The following SLC2A6 variants were observed in gnomAD, a reference collection of about 807,000 sequenced individuals.
SLC2A6 encodes solute carrier family 2, facilitated glucose transporter member 6.
SLC2A6 carries 39 observed loss-of-function variants against 47.8 expected under a neutral mutation model. The observed-to-expected ratio is 0.82, with a 90% confidence interval of 0.63 to 1.07. SLC2A6 has a LOEUF of 1.07. Ranked by LOEUF, SLC2A6 falls within the 50% of genes least tolerant of loss-of-function variation. The pLI, the probability that SLC2A6 is intolerant of heterozygous loss-of-function variation, is 0.00. For missense variants in SLC2A6, 650 were observed against 707.6 expected (o/e 0.92, Z 0.92); for synonymous variants, 346 against 324.1 (o/e 1.07, Z -0.73).
chr9:133,476,552 C>T (rs1843961145), intron 3 of SLC2A6: 5 of 593,236 alleles, frequency 8.4e-6, no homozygotes, highest in African/African-American at 3.7e-5. Flanking sequence ...GGTGGAAGTA[C>T]GCAGCTCGGA....
Position 133,478,971 on chromosome 9 carries a change from A to T in SLC2A6, c.89T>A (p.Val30Asp). The T allele has an allele frequency of 1.3e-6, 2 of 1,578,516 alleles. No homozygotes were observed. The highest frequency in any genetic ancestry group is 1.7e-6 in the Non-Finnish European group (2 of 1,167,010). Residue 30 changes from valine to aspartate, a missense_variant, in exon 1 of 10, where the codon GTC (valine) becomes GAC (aspartate). Val to Asp is a radical substitution (Grantham distance 152, BLOSUM62 -3). Transcript: ENST00000371899. ...CCCCCAACCTAGCGACTCTCACCCGACCCGCGCCCTGTCCCCTGGCGACGG... is the reference window on the plus strand; with the variant it reads ...CCCCCAACCTAGCGACTCTCACCCGTCCCGCGCCCTGTCCCCTGGCGACGG... ...PPPSPGDRAR[V>D]GTLQNKRVFL...
In SLC2A6 at chr9:133,475,081, G is replaced by T. The variant is rs749289691; in HGVS notation, c.807C>A (p.Ala269=). 2 of 1,590,402 alleles carry T rather than the reference G, an allele frequency of 1.3e-6. No individual in the cohort carries two copies. Among genetic ancestry groups the T allele is most frequent in the African/African-American group, 1.3e-5 (1 of 74,466 alleles). Residue 269 remains alanine, a synonymous_variant, in exon 6 of 10, where the codon GCC becomes GCA. Coordinates refer to ENST00000371899, the MANE Select transcript of SLC2A6 (RefSeq NM_017585.4). ...SSRVSWAEAR[A]PHVCRPITVA... is the part of the protein sequence containing the mutation. ...CGGTGATGGGCCGGCACACGTGTGG[G>T]GCCCGTGCCTCAGCCCACGATACTC...
In SLC2A6 at chr9:133,476,233, T is replaced by G. The variant is rs782400225; in HGVS notation, c.562+4A>C. 10 of 1,609,918 alleles carry G rather than the reference T, an allele frequency of 6.2e-6. No individual in the cohort carries two copies. The South Asian group carries it at 8.8e-5, about 14-fold the overall frequency. ...TGCACACAGGAGTGCGGGGCCATACTTGCCAAGGGCGTAGAGGGACAGGGA... is the reference window on the plus strand; with the variant it reads ...TGCACACAGGAGTGCGGGGCCATACGTGCCAAGGGCGTAGAGGGACAGGGA... On this transcript the variant is annotated splice_donor_region_variant and intron_variant, in intron 4 of 9. Transcript: ENST00000371899.
intron 5 of SLC2A6, 44 bp downstream of exon 5, chr9:133,475,356 G>T: frequency 6.5e-7 from 1 of 1,532,536 alleles, no homozygotes. Context: ...CAGCTGAAGT[G>T]CTGGAGGTGG....
At position 133,473,966 on chromosome 9, in the gene SLC2A6, TGCAG is replaced by T. The variant is rs782111542; in HGVS notation, c.1036+10_1036+13del. The T allele has an allele frequency of 1.4e-4, 222 of 1,589,206 alleles. 1 individual carries two copies. The East Asian group carries it at 5.0e-3, about 36-fold the overall frequency. On this transcript the variant is annotated intron_variant, in intron 7 of 9. Transcript: ENST00000371899. Reference sequence around the variant, plus strand: ...GGAGGAGTGGGGCAGGAGGGCTGCCTGCAGGGTGCTTACCTGAGACGAAGAGCAG... The same window carrying T: ...GGAGGAGTGGGGCAGGAGGGCTGCCTGGTGCTTACCTGAGACGAAGAGCAG...
rs200302305 is a variant in SLC2A6 at position 133,478,306 on chromosome 9, C to T, written c.203G>A (p.Arg68His). ...CAGATGCAGGTCAGGATCCAAGGAG[C>T]GCTCCAGGGCTGGGATGACAGGGGA... Reference protein sequence around the residue: ...YTSPVIPALERSLDPDLHLTK... With the variant: ...YTSPVIPALEHSLDPDLHLTK... The change falls in exon 2 of 10, where the codon CGC (arginine) becomes CAC (histidine). Residue 68 changes from arginine (R) to histidine (H), a missense_variant. Transcript: ENST00000371899. The T allele has an allele frequency of 3.3e-5, 53 of 1,613,942 alleles. No homozygotes were observed. The highest frequency in any genetic ancestry group is 1.6e-4 in the Middle Eastern group (1 of 6,082).
chr9:133,472,192 G>A lies in SLC2A6; in HGVS notation c.1369-16C>T, dbSNP rs371071886. 33 of 1,611,044 alleles carry A rather than the reference G, an allele frequency of 2.0e-5. No individual in the cohort carries two copies. The Middle Eastern group carries it at 9.9e-4, about 48-fold the overall frequency. ...CGAAGGTGCTCTGCGGGTGAAGAGCGGGGCCGGGTCACAGGGAGAAGCTCC... is the reference window on the plus strand; with the variant it reads ...CGAAGGTGCTCTGCGGGTGAAGAGCAGGGCCGGGTCACAGGGAGAAGCTCC... On this transcript the variant is annotated splice_polypyrimidine_tract_variant and intron_variant, in intron 9 of 9. Coordinates refer to ENST00000371899, the MANE Select transcript of SLC2A6 (RefSeq NM_017585.4).
chr9:133,477,357 G>T, intron 2 of SLC2A6, 116 bp from the exon 3 acceptor site: 1 of 955,456 alleles, frequency 1.0e-6, no homozygotes, highest in Non-Finnish European at 1.6e-6. Flanking sequence ...CAAGCACTTG[G>T]CCAAGTCAAG....
chr9:133,472,163 A>G lies in SLC2A6; in HGVS notation c.1382T>C (p.Leu461Pro). 6.2e-6 allele frequency: 10 copies of G among 1,613,118 alleles called. No individual in the cohort carries two copies. Among genetic ancestry groups the G allele is most frequent in the Non-Finnish European group, 8.5e-6 (10 of 1,179,894 alleles). The stretch of plus-strand genomic sequence containing the variant: ...CGCGAAGAAGAAGAAAGGCACCTGG[A>G]GGCCGAAGGTGCTCTGCGGGTGAAG... ...SFLPVVSTFG[L>P]QVPFFFFAAI... Residue 461 changes from leucine to proline, a missense_variant, in exon 10 of 10, where the codon CTC becomes CCC. Transcript: ENST00000371899.
chr9:133,473,420 A>T lies in SLC2A6; in HGVS notation c.1217T>A (p.Ile406Asn). The T allele has an allele frequency of 6.3e-7, 1 of 1,599,818 alleles. No individual in the cohort carries two copies. The highest frequency in any genetic ancestry group is 2.2e-5 in the East Asian group (1 of 44,684). The change falls in exon 8 of 10, where the codon ATC (isoleucine) becomes AAC (asparagine). Residue 406 changes from isoleucine to asparagine, a missense_variant. Coordinates refer to ENST00000371899, the MANE Select transcript of SLC2A6 (RefSeq NM_017585.4). ...LVPLLATMLF[I>N]MGYAVGWGPI... ...TGAGCCACCACCACACCTACCCATG[A>T]TGAAGAGCATGGTGGCCAGCAGGGG...
chr9:133,476,056 G>A (rs1435564580), intron 4 of SLC2A6, 181 bp downstream of exon 4: 3 of 567,448 alleles, frequency 5.3e-6, no homozygotes, highest in Non-Finnish European at 9.3e-6. Flanking sequence ...TGGCTAGAGG[G>A]GCAGGCCCTG....
At chr9:133,475,372 C>A in intron 5 of SLC2A6, 28 bp downstream of exon 5, 2 of 1,558,110 alleles carry the variant, frequency 1.3e-6, no homozygotes, top group South Asian at 1.2e-5. Context: ...GGTGGGCCTG[C>A]CCGGTTCGGG....
At position 133,478,380 on chromosome 9, in the gene SLC2A6, G is replaced by A. The variant is rs372451832; in HGVS notation, c.129C>T (p.Phe43=). 3.8e-5 allele frequency: 62 copies of A among 1,614,172 alleles called. No homozygotes were observed. Among genetic ancestry groups the A allele is most frequent in the East Asian group, 6.7e-5 (3 of 44,890 alleles). ...LQNKRVFLAT[F]AAVLGNFSFG... is the part of the protein sequence containing the mutation. The stretch of plus-strand genomic sequence containing the variant: ...AGCTGAAATTGCCGAGCACTGCGGC[G>A]AAGGTGGCCAGGAACACCCTTTTGT... The change falls in exon 2 of 10, where the codon TTC becomes TTT. Residue 43 remains phenylalanine, a synonymous_variant. Transcript: ENST00000371899.
At chr9:133,476,378 T>G (rs1843953912) in intron 3 of SLC2A6, 42 bp from the exon 4 acceptor site, 1 of 1,568,258 alleles carries the variant, frequency 6.4e-7, no homozygotes, top group Non-Finnish European at 8.8e-7. Flanking sequence ...CTGAAAATAC[T>G]GGTTCCTAGG....
At chr9:133,473,724 C>T (rs1426760355) in intron 7 of SLC2A6, 124 bp from the exon 8 acceptor site, 16 of 1,033,812 alleles carry the variant, frequency 1.5e-5, no homozygotes, top group Non-Finnish European at 2.1e-5. Flanking sequence ...CTAGAGACCC[C>T]CAGCAGGGCA....
rs1554802146 is a variant in SLC2A6, at chr9:133,473,161, C to T, written c.1312G>A (p.Val438Met). The change falls in exon 9 of 10, where the codon GTG (valine) becomes ATG (methionine). Residue 438 changes from valine (V) to methionine (M), a missense_variant. Coordinates refer to ENST00000371899, the MANE Select transcript of SLC2A6 (RefSeq NM_017585.4). ...AAGGCGGTGAGCCAGCTGGCCAGCA[C>T]GCAGAGCCCTGAGGCCACGCCACGG... ...RARGVASGLC[V>M]LASWLTAFVL... 12 of 1,611,238 alleles carry T rather than the reference C, an allele frequency of 7.4e-6. No homozygotes were observed. Among genetic ancestry groups the T allele is most frequent in the East Asian group, 2.2e-5 (1 of 44,814 alleles).
chr9:133,475,506 G>A lies in SLC2A6; in HGVS notation c.668C>T (p.Ser223Phe). The A allele has an allele frequency of 6.2e-7, 1 of 1,611,610 alleles. No individual in the cohort carries two copies. The highest frequency in any genetic ancestry group is 8.5e-7 in the Non-Finnish European group (1 of 1,179,902). Residue 223 changes from serine (S) to phenylalanine (F), a missense_variant, in exon 5 of 10, where the codon TCT becomes TTT. Transcript: ENST00000371899. The stretch of plus-strand genomic sequence containing the variant: ...CAGGGCCTCTTCGTCCCTGCCCCGA[G>A]AGAGCAGGAAGCGCGGCGAGTTGGG... Reference protein sequence around the residue: ...FMPNSPRFLLSRGRDEEALRA... With the variant: ...FMPNSPRFLLFRGRDEEALRA...
At chr9:133,474,120 C>T (rs782445648) in intron 6 of SLC2A6, 32 bp from the exon 7 acceptor site, 2 of 1,520,418 alleles carry the variant, frequency 1.3e-6, no homozygotes, top group East Asian at 4.7e-5. Flanking sequence ...GGCTGAGGGA[C>T]CTGCCTGCTG....
rs912242906 is a variant in SLC2A6, at chr9:133,478,871, G to A, written c.92+97C>T. 1.5e-5 allele frequency: 17 copies of A among 1,123,650 alleles called. No homozygotes were observed. The African/African-American group carries it at 2.5e-4, about 16-fold the overall frequency. The allele number at this position is 1,123,650 out of a possible 1,614,324, so 69.6% of individuals were successfully genotyped here. ...CCAGATGGCCCCTCGGTGGCGACTAGGTCAGGGGAGGCCCAGGGCGGGAGC... is the reference window on the plus strand; with the variant it reads ...CCAGATGGCCCCTCGGTGGCGACTAAGTCAGGGGAGGCCCAGGGCGGGAGC... On this transcript the variant is annotated intron_variant, in intron 1 of 9. Coordinates refer to ENST00000371899, the MANE Select transcript of SLC2A6 (RefSeq NM_017585.4).
Sources: gnomAD v4.1 joint callset for allele counts on GRCh38, gnomAD v4.1.1 for gene constraint, MANE v1.5 for transcripts, NCBI Gene and HGNC (gene_info 2026-07-23, HGNC 2026-07-21) for gene names.